The following HOMER1 variants were observed in gnomAD, a reference collection of about 807,000 sequenced individuals.
HOMER1 encodes the protein homer protein homolog 1.
Under a neutral mutation model 48.9 loss-of-function variants are expected in HOMER1, and 3 were observed. That is an observed-to-expected ratio of 0.06 (90% CI 0.03 to 0.16). HOMER1 has a LOEUF of 0.16. Ranked by LOEUF, HOMER1 falls within the 10% of genes least tolerant of loss-of-function variation. The pLI, the probability that HOMER1 is intolerant of heterozygous loss-of-function variation, is 1.00. For synonymous variants in HOMER1, 134 were observed against 146.4 expected (o/e 0.92, Z 0.61); for missense variants, 247 against 411.4 (o/e 0.60, Z 3.46).
At chr5:79,427,397 G>A (rs1204407805) in intron 5 of HOMER1, among the ~76,000 whole-genome samples, 1 of 151,508 alleles carries the variant, frequency 6.6e-6, no homozygotes, top group Non-Finnish European at 1.5e-5. Flanking sequence ...TTTGTTTTTT[G>A]GTTGTTTTTG....
At chr5:79,508,421 C>CA (rs1752836808) in intron 1 of HOMER1, among the ~76,000 whole-genome samples, 4 of 152,188 alleles carry the variant, frequency 2.6e-5, no homozygotes, top group South Asian at 2.1e-4. Flanking sequence ...GGGTCATAGC[C>CA]AAAAAAACCT....
intron 5 of HOMER1, among the ~76,000 whole-genome samples, chr5:79,405,733 A>G (rs1199625368): frequency 6.6e-6 from 1 of 152,228 alleles, no homozygotes; most frequent in Non-Finnish European, 1.5e-5. Context: ...AAAGGTATTC[A>G]CTATGAAATA....
At chr5:79,471,955 ACT>A (rs1176681581) in intron 1 of HOMER1, among the ~76,000 whole-genome samples, 3 of 151,868 alleles carry the variant, frequency 2.0e-5, no homozygotes, top group South Asian at 2.1e-4. Flanking sequence ...ATTCTTGGTC[ACT>A]CTATGTAAAA....
chr5:79,493,696 C>T (rs1428090195), intron 1 of HOMER1, among the ~76,000 whole-genome samples: 1 of 152,082 alleles, frequency 6.6e-6, no homozygotes, highest in Non-Finnish European at 1.5e-5. Context: ...GCATTCTCAC[C>T]CATCTCTTTC....
At chr5:79,457,414 T>G (rs1245192280) in intron 1 of HOMER1, among the ~76,000 whole-genome samples, 1 of 152,176 alleles carries the variant, frequency 6.6e-6, no homozygotes, top group Non-Finnish European at 1.5e-5. Flanking sequence ...TCATACTACA[T>G]TTACAAGTGT....
At chr5:79,393,001 A>T (rs1397402449) in intron 8 of HOMER1, among the ~76,000 whole-genome samples, 1 of 150,536 alleles carries the variant, frequency 6.6e-6, no homozygotes, top group African/African-American at 2.5e-5. Context: ...AGAGCCATCC[A>T]GAATAAAACA....
intron 5 of HOMER1, among the ~76,000 whole-genome samples, chr5:79,405,945 T>A (rs979010409): frequency 2.0e-5 from 3 of 152,210 alleles, no homozygotes; most frequent in African/African-American, 7.2e-5. Flanking sequence ...CAGGCATGCA[T>A]ATACGGTAAC....
At chr5:79,438,469 T>A (rs771082128) in intron 5 of HOMER1, among the ~76,000 whole-genome samples, 1 of 152,210 alleles carries the variant, frequency 6.6e-6, no homozygotes, top group East Asian at 1.9e-4. Flanking sequence ...CTCCTGTTAG[T>A]TGGTGTGCAA....
chr5:79,402,909 T>C lies in HOMER1; in HGVS notation c.528-854A>G, dbSNP rs1054537830. Among the ~76,000 whole-genome samples the C allele has an allele frequency of 3.9e-5, 6 of 152,314 alleles. No individual in the cohort carries two copies. In the East Asian group the frequency reaches 9.6e-4, roughly 24 times the overall value. ...AAACATTTGCTACAATAAACTGATTTCATAGGAAAGGCTAGGCCTACAAAC... is the reference window on the plus strand; with the variant it reads ...AAACATTTGCTACAATAAACTGATTCCATAGGAAAGGCTAGGCCTACAAAC... On this transcript the variant is annotated intron_variant, in intron 5 of 8. Transcript: ENST00000334082.
intron 1 of HOMER1, among the ~76,000 whole-genome samples, chr5:79,468,440 T>C (rs912961018): frequency 6.6e-6 from 1 of 152,234 alleles, no homozygotes; most frequent in Non-Finnish European, 1.5e-5. Flanking sequence ...CCATGACTTT[T>C]ACATTAATCA....
At chr5:79,478,027 C>T (rs1344270358) in intron 1 of HOMER1, among the ~76,000 whole-genome samples, 1 of 152,072 alleles carries the variant, frequency 6.6e-6, no homozygotes, top group African/African-American at 2.4e-5. Flanking sequence ...CACGGACTAT[C>T]AATTGTATTC....
At chr5:79,499,505 T>C (rs1204717792) in intron 1 of HOMER1, among the ~76,000 whole-genome samples, 1 of 57,232 alleles carries the variant, frequency 1.7e-5, no homozygotes. Context: ...TTTTTGGGGA[T>C]TTGCTGTAAT....
chr5:79,400,831 A>G (rs1749518668), intron 6 of HOMER1, among the ~76,000 whole-genome samples: 1 of 147,872 alleles, frequency 6.8e-6, no homozygotes, highest in African/African-American at 2.5e-5. Context: ...TGCAGCCTCC[A>G]ATTCCTGGGC....
chr5:79,461,616 C>T (rs1475480565), intron 1 of HOMER1, among the ~76,000 whole-genome samples: 1 of 152,082 alleles, frequency 6.6e-6, no homozygotes, highest in Non-Finnish European at 1.5e-5. Flanking sequence ...GATTATTTGA[C>T]CTCAGAACTC....
chr5:79,423,648 G>A (rs1750164733), intron 5 of HOMER1, among the ~76,000 whole-genome samples: 1 of 152,038 alleles, frequency 6.6e-6, no homozygotes, highest in Admixed American at 6.5e-5. Context: ...GATTATAAAG[G>A]CAGTACTAAG....
chr5:79,405,147 G>A (rs1389439130), intron 5 of HOMER1, among the ~76,000 whole-genome samples: 1 of 152,100 alleles, frequency 6.6e-6, no homozygotes, highest in Non-Finnish European at 1.5e-5. Flanking sequence ...AAGGTTTAAT[G>A]TGGTCATTAG....
chr5:79,390,225 G>A (rs1749214707), intron 8 of HOMER1, among the ~76,000 whole-genome samples: 1 of 152,174 alleles, frequency 6.6e-6, no homozygotes, highest in Admixed American at 6.5e-5. Flanking sequence ...GGTCGAGACT[G>A]TAGGAATCTG....
At chr5:79,479,921 A>G (rs566703325) in intron 1 of HOMER1, among the ~76,000 whole-genome samples, 7 of 152,350 alleles carry the variant, frequency 4.6e-5, no homozygotes, top group South Asian at 2.1e-4. Context: ...ATTTTAGGCA[A>G]TATGTTTGCC....
intron 4 of HOMER1, among the ~76,000 whole-genome samples, chr5:79,443,490 T>C (rs567977358): frequency 7.2e-5 from 11 of 152,298 alleles, no homozygotes; most frequent in Admixed American, 5.9e-4. Context: ...TTCTGACGCA[T>C]AGTATTTTTC....
Sources: allele counts gnomAD v4.1 joint callset (sites outside exome capture counted in the v4.1 genomes callset), GRCh38; gene constraint gnomAD v4.1.1; transcripts MANE v1.5; gene names NCBI Gene and HGNC (gene_info 2026-07-23, HGNC 2026-07-21).